The following ATL2 variants were observed in gnomAD, a reference collection of about 807,000 sequenced individuals.
ATL2 encodes atlastin GTPase 2.
ATL2 carries 31 observed loss-of-function variants against 73.9 expected under a neutral mutation model. The observed-to-expected ratio is 0.42, with a 90% CI of 0.32 to 0.57. ATL2 has a LOEUF of 0.57. Ranked by LOEUF, ATL2 falls within the 20% of genes least tolerant of loss-of-function variation. The probability of loss-of-function intolerance (pLI) is 0.14; values close to 1 mark genes in which losing one functional copy is unlikely to be tolerated. For synonymous variants in ATL2, 291 were observed against 237.5 expected (o/e 1.23, Z -2.07); for missense variants, 738 against 702.6 (o/e 1.05, Z -0.57).
At chr2:38,303,474 G>A (rs10167268) in intron 9 of ATL2, among the ~76,000 whole-genome samples, 49,875 of 151,818 alleles carry the variant, frequency 0.33, 8,447 homozygotes, top group South Asian at 0.47. Flanking sequence ...TTACAGGCAT[G>A]AGCCACCTCA....
At chr2:38,365,166 A>C (rs1024623892) in intron 1 of ATL2, among the ~76,000 whole-genome samples, 84 of 123,752 alleles carry the variant, frequency 6.8e-4, no homozygotes, top group African/African-American at 3.3e-3. Flanking sequence ...CACACACACA[A>C]ATACACACAC....
intron 1 of ATL2, among the ~76,000 whole-genome samples, chr2:38,358,037 C>A (rs1452141609): frequency 6.6e-6 from 1 of 152,168 alleles, no homozygotes; most frequent in East Asian, 1.9e-4. Flanking sequence ...TGTTAAAATG[C>A]ATATCCTGAT....
intron 9 of ATL2, among the ~76,000 whole-genome samples, chr2:38,303,171 G>A (rs952718773): frequency 6.6e-6 from 1 of 152,102 alleles, no homozygotes; most frequent in African/African-American, 2.4e-5. Context: ...TCCGAAAAAT[G>A]CAACTGACAT....
intron 6 of ATL2, 28 bp from the exon 7 acceptor site, chr2:38,313,271 T>C (rs781314991): frequency 5.9e-6 from 9 of 1,517,900 alleles, no homozygotes; most frequent in Middle Eastern, 1.8e-4. Context: ...AAAAATTGTT[T>C]ATTTTACAAT....
At chr2:38,358,690 T>TA in intron 1 of ATL2, 1 of 149,770 alleles carries the variant, frequency 6.7e-6, no homozygotes, top group Non-Finnish European at 1.4e-5. Context: ...AGACTCCGTC[T>TA]GAAAAAAAAA....
intron 1 of ATL2, among the ~76,000 whole-genome samples, chr2:38,367,750 A>G (rs1671424536): frequency 3.4e-5 from 5 of 148,672 alleles, no homozygotes; most frequent in Admixed American, 3.4e-4. Context: ...CTCCAGCCTC[A>G]GCCTCTGGAG....
intron 4 of ATL2, chr2:38,318,232 C>T (rs1668128188): frequency 4.6e-6 from 1 of 217,104 alleles, no homozygotes; most frequent in African/African-American, 2.3e-5. Context: ...AATCCCAGCA[C>T]TTGGGGAGGC....
chr2:38,330,789 A>C (rs1445223313), intron 2 of ATL2, among the ~76,000 whole-genome samples: 1 of 152,254 alleles, frequency 6.6e-6, no homozygotes, highest in African/African-American at 2.4e-5. Flanking sequence ...TTGTTAACAC[A>C]GTAGTATTTC....
intron 1 of ATL2, among the ~76,000 whole-genome samples, chr2:38,344,006 C>A (rs1418704528): frequency 1.3e-5 from 2 of 152,114 alleles, no homozygotes; most frequent in African/African-American, 4.8e-5. Context: ...TTGTAAATTG[C>A]CCAGTCTCAA....
intron 9 of ATL2, among the ~76,000 whole-genome samples, chr2:38,304,551 A>G (rs1419679133): frequency 1.3e-5 from 2 of 152,226 alleles, no homozygotes; most frequent in Non-Finnish European, 2.9e-5. Flanking sequence ...TAGAAAGACT[A>G]AAAGACGAAC....
intron 2 of ATL2, among the ~76,000 whole-genome samples, chr2:38,333,596 T>A (rs972450670): frequency 4.0e-5 from 6 of 151,784 alleles, no homozygotes; most frequent in African/African-American, 1.5e-4. Flanking sequence ...GAACAAAGAG[T>A]TTGGAATGAA....
chr2:38,310,629 CTTTTTTT>C (rs538258408), intron 7 of ATL2, among the ~76,000 whole-genome samples, 182 bp from the exon 8 acceptor site: 4 of 127,294 alleles, frequency 3.1e-5, no homozygotes, highest in Admixed American at 2.4e-4. Context: ...TAAGACCCCA[CTTTTTTT>C]TTTTTTTTTT....
chr2:38,309,034 G>A (rs12464999), intron 9 of ATL2, among the ~76,000 whole-genome samples: 50,145 of 151,584 alleles, frequency 0.33, 8,551 homozygotes, highest in South Asian at 0.47. Context: ...GAGTGTTTTT[G>A]TGAGAACTTA....
chr2:38,327,248 A>T (rs2148454063), intron 2 of ATL2, among the ~76,000 whole-genome samples: 1 of 152,232 alleles, frequency 6.6e-6, no homozygotes, highest in East Asian at 1.9e-4. Context: ...AATAAGGTAA[A>T]ATAAAATCTT....
chr2:38,305,147 T>C (rs1196501544), intron 9 of ATL2, among the ~76,000 whole-genome samples: 1 of 152,008 alleles, frequency 6.6e-6, no homozygotes, highest in Non-Finnish European at 1.5e-5. Flanking sequence ...GATAAAGGGA[T>C]CAATTCAGCA....
intron 1 of ATL2, among the ~76,000 whole-genome samples, chr2:38,366,745 C>T (rs1671353946): frequency 1.3e-5 from 2 of 152,182 alleles, no homozygotes; most frequent in South Asian, 4.1e-4. Context: ...CATCTGTCTA[C>T]ATTATTTTTT....
At chr2:38,322,175 A>G (rs945701850) in intron 2 of ATL2, among the ~76,000 whole-genome samples, 1 of 149,912 alleles carries the variant, frequency 6.7e-6, no homozygotes, top group African/African-American at 2.5e-5. Flanking sequence ...GGAGAATCTC[A>G]TTCCCCCACA....
chr2:38,319,351 C>T (rs1334863180), intron 2 of ATL2, among the ~76,000 whole-genome samples: 2 of 152,194 alleles, frequency 1.3e-5, no homozygotes, highest in African/African-American at 2.4e-5. Flanking sequence ...GTAATCCCAG[C>T]ACTTTGGGAG....
At chr2:38,336,891 T>TA (rs1446375389) in intron 2 of ATL2, among the ~76,000 whole-genome samples, 5 of 152,194 alleles carry the variant, frequency 3.3e-5, no homozygotes, top group African/African-American at 1.2e-4. Context: ...AATGGAAGAA[T>TA]ACGTCATCAT....
Sources: allele counts gnomAD v4.1 joint callset (sites outside exome capture counted in the v4.1 genomes callset), GRCh38; gene constraint gnomAD v4.1.1; transcripts MANE v1.5; gene names NCBI Gene and HGNC (gene_info 2026-07-23, HGNC 2026-07-21).